The following MASP1 variants were observed in gnomAD, a reference collection of about 807,000 sequenced individuals.
MASP1 encodes MBL associated serine protease 1.
MASP1 carries 59 observed loss-of-function variants against 77.1 expected under a neutral mutation model. The ratio of observed to expected loss-of-function variants is 0.77; its 90% CI spans 0.62 to 0.95. The LOEUF (loss-of-function observed/expected upper bound fraction) is 0.95. Ranked by LOEUF, MASP1 falls within the 40% of genes least tolerant of loss-of-function variation. MASP1 has a pLI of 0.00. For synonymous variants in MASP1, 362 were observed against 354.5 expected, an observed-to-expected ratio of 1.02 and a Z score of -0.24; for missense variants, 885 against 912.9, an observed-to-expected ratio of 0.97 and a Z score of 0.39.
rs1202875393 is a variant in MASP1 at position 187,235,714 on chromosome 3, T to A, written c.2157A>T (p.Gln719His). 1.2e-6 allele frequency: 2 copies of A among 1,614,176 alleles called. No homozygotes were observed. Among genetic ancestry groups the A allele is most frequent in the Non-Finnish European group, 1.7e-6 (2 of 1,180,024 alleles). The change falls in exon 11 of 11, where the codon CAA becomes CAT. Residue 719 changes from glutamine (Q) to histidine (H), a missense_variant. Transcript: ENST00000296280. ...GTTCCACCTGGGGCTCCACAACACT[T>A]TGTGGTAAGCCCATCTGCTCCCACA... is the stretch of plus-strand genomic sequence containing the variant. ...DWVWEQMGLP[Q>H]SVVEPQVER
At chr3:187,246,296 C>A in intron 8 of MASP1, 1 of 790,550 alleles carries the variant, frequency 1.3e-6, no homozygotes, top group Non-Finnish European at 1.5e-6. Flanking sequence ...GGGTACATAT[C>A]AAATCTTCCT....
chr3:187,249,409 C>T (rs2108536385), intron 8 of MASP1, among the ~76,000 whole-genome samples: 1 of 152,310 alleles, frequency 6.6e-6, no homozygotes. Context: ...CCTTCTCTCT[C>T]CCTTCCTTCC....
Position 187,243,012 on chromosome 3 carries a change from T to C in MASP1, c.1228+472A>G, listed in dbSNP as rs372971287. 1.4e-4 allele frequency: 37 copies of C among 265,218 alleles called. No homozygotes were observed. The South Asian group carries it at 1.6e-3, about 12-fold the overall frequency. 16.4% of individuals were successfully genotyped at this position (265,218 alleles called of 1,614,324 possible). A position where few individuals can be genotyped will look rare whatever the true frequency, so the allele number is the denominator to read the frequency against. On this transcript the variant is annotated intron_variant, in intron 9 of 10. Coordinates refer to ENST00000296280, the MANE Select transcript of MASP1 (RefSeq NM_139125.4). ...GAAGGTCCCTTACCTGCTGAATGGG[T>C]CTGGCCTGGTGAGATGTTGCCCTCA...
chr3:187,226,550 CT>C, intron 11 of MASP1: 1 of 1,478,578 alleles, frequency 6.8e-7, no homozygotes, highest in Non-Finnish European at 9.3e-7. Context: ...TCTCATCGTC[CT>C]GCACTACTGG....
intron 14 of MASP1, among the ~76,000 whole-genome samples, chr3:187,222,134 TG>T (rs1712096462): frequency 6.6e-6 from 1 of 152,182 alleles, no homozygotes; most frequent in South Asian, 2.1e-4. Context: ...GCTGAGCACC[TG>T]ATTCATCGTT....
chr3:187,248,757 C>T (rs1560250860), intron 8 of MASP1, among the ~76,000 whole-genome samples: 1 of 152,124 alleles, frequency 6.6e-6, no homozygotes, highest in Non-Finnish European at 1.5e-5. Context: ...TTTTTTGAAA[C>T]ATTTTGTTAA....
intron 4 of MASP1, among the ~76,000 whole-genome samples, chr3:187,259,962 C>T (rs2108558780): frequency 6.6e-6 from 1 of 152,278 alleles, no homozygotes; most frequent in East Asian, 1.9e-4. Context: ...GCCTGGAAGG[C>T]CCTTCTTCTC....
At chr3:187,229,684 C>CAATGAAGA, downstream of MASP1, 1 of 1,571,938 alleles carries the variant, frequency 6.4e-7, no homozygotes, top group South Asian at 1.2e-5. Context: ...CAATGATTCT[C>CAATGAAGA]AATGAAGAAA....
chr3:187,273,366 A>T (rs1227502506), intron 2 of MASP1, among the ~76,000 whole-genome samples: 2 of 152,186 alleles, frequency 1.3e-5, no homozygotes, highest in African/African-American at 4.8e-5. Context: ...GGGCTGAGAG[A>T]CATCAAAAGG....
rs1478382503 is a variant in MASP1 at position 187,235,924 on chromosome 3, A to G, written c.1947T>C (p.Cys649=). 2 of 1,614,240 alleles carry G rather than the reference A, an allele frequency of 1.2e-6. No individual in the cohort carries two copies. The change falls in exon 11 of 11, where the codon TGT becomes TGC. Residue 649 remains cysteine, a synonymous_variant. Transcript: ENST00000296280. ...CTTTGCCGCCCTCGTAGTAGCCAGC[A>G]CAGAACATGTTCTCCGTGACGCTGT... The part of the protein sequence containing the change: ...GNYSVTENMF[C]AGYYEGGKDT...
intron 11 of MASP1, among the ~76,000 whole-genome samples, chr3:187,226,689 C>T (rs1010604359): frequency 1.3e-5 from 2 of 152,154 alleles, no homozygotes; most frequent in South Asian, 2.1e-4. Flanking sequence ...TCATATGATC[C>T]TAATCTGAAG....
intron 2 of MASP1, among the ~76,000 whole-genome samples, chr3:187,282,715 G>A (rs745922856): frequency 5.3e-5 from 8 of 152,176 alleles, no homozygotes; most frequent in Non-Finnish European, 1.0e-4. Flanking sequence ...GCAGCATCCT[G>A]CAGAGGGGAG....
chr3:187,246,654 A>G lies in MASP1; in HGVS notation c.1091-3033T>C, dbSNP rs1714106623. 2.1e-5 allele frequency: 21 copies of G among 988,150 alleles called. No individual in the cohort carries two copies. The South Asian group carries it at 9.8e-4, about 46-fold the overall frequency. 61.2% of individuals were successfully genotyped at this position (988,150 alleles called of 1,614,324 possible). ...TGTCCCACAGCACAGAGCTGGGACC[A>G]CTGCTTTCAGGTGTGATCCTATCTT... On this transcript the variant is annotated intron_variant, in intron 8 of 10. Transcript: ENST00000296280.
chr3:187,237,313 C>G (rs1206425391), intron 10 of MASP1, among the ~76,000 whole-genome samples: 4 of 152,086 alleles, frequency 2.6e-5, no homozygotes, highest in African/African-American at 9.7e-5. Flanking sequence ...GGATATGACT[C>G]TTAAGTCAGA....
chr3:187,278,440 T>G (rs965429647), intron 2 of MASP1, among the ~76,000 whole-genome samples: 5 of 152,236 alleles, frequency 3.3e-5, no homozygotes, highest in African/African-American at 1.2e-4. Context: ...CTCACTCAGA[T>G]GGTGGCAGAG....
chr3:187,235,499 G>A lies in MASP1; in HGVS notation c.*185C>T, dbSNP rs962127177. 1 of 1,527,754 alleles carries A rather than the reference G, an allele frequency of 6.5e-7. No homozygotes were observed. The highest frequency in any genetic ancestry group is 2.3e-4 in the Middle Eastern group (1 of 4,332). The allele number at this position is 1,527,754 out of a possible 1,614,324, so 94.6% of individuals were successfully genotyped here. On this transcript the variant is annotated 3_prime_UTR_variant, in exon 11 of 11. Coordinates refer to ENST00000296280, the MANE Select transcript of MASP1 (RefSeq NM_139125.4). ...ACAAGCTCAGGAACACAGGTCTCCT[G>A]CCTGGAGCCTTTTCCCTATACCACA...
chr3:187,279,905 T>C (rs979728028), intron 2 of MASP1, among the ~76,000 whole-genome samples: 2 of 152,246 alleles, frequency 1.3e-5, no homozygotes, highest in African/African-American at 4.8e-5. Flanking sequence ...TATTTCATTA[T>C]ATTCTATGGA....
At chr3:187,286,197 C>T in intron 1 of MASP1, 141 bp from the exon 2 acceptor site, 1 of 713,330 alleles carries the variant, frequency 1.4e-6, no homozygotes. Context: ...CTGACCTTGC[C>T]TCCTCAGTCT....
At chr3:187,220,396 C>G in intron 15 of MASP1, 3 of 720,320 alleles carry the variant, frequency 4.2e-6, no homozygotes. Context: ...AACCTCAGCT[C>G]TGGGCAGTTC....
Sources: gnomAD v4.1 joint callset for allele counts (sites outside exome capture counted in the v4.1 genomes callset) on GRCh38, gnomAD v4.1.1 for gene constraint, MANE v1.5 for transcripts, NCBI Gene and HGNC (gene_info 2026-07-23, HGNC 2026-07-21) for gene names.